Variants in SBF2 observed in about 807,000 individuals in gnomAD.
SBF2 encodes the protein SET binding factor 2.
SBF2 carries 112 observed loss-of-function variants against 225.2 expected under a neutral mutation model. The ratio of observed to expected loss-of-function variants is 0.50; its 90% CI spans 0.43 to 0.58. SBF2 has a LOEUF of 0.58. Ranked by LOEUF, SBF2 falls within the 20% of genes least tolerant of loss-of-function variation. The probability of loss-of-function intolerance (pLI) is 0.00; values close to 1 mark genes in which losing one functional copy is unlikely to be tolerated. For missense variants in SBF2, 1,996 were observed against 2,206.2 expected (o/e 0.90, Z 1.91); for synonymous variants, 763 against 773.3 (o/e 0.99, Z 0.22).
At chr11:10,095,884 C>T (rs1350075608) in intron 2 of SBF2, among the ~76,000 whole-genome samples, 5 of 151,710 alleles carry the variant, frequency 3.3e-5, no homozygotes. Context: ...AGTCTCAGAG[C>T]GGGGGAAAAA....
intron 2 of SBF2, among the ~76,000 whole-genome samples, chr11:10,127,266 T>G (rs2135078853): frequency 6.6e-6 from 1 of 152,232 alleles, no homozygotes; most frequent in African/African-American, 2.4e-5. Context: ...AATTAAAGAT[T>G]CTACATAATT....
intron 33 of SBF2, among the ~76,000 whole-genome samples, 172 bp downstream of exon 33, chr11:9,795,659 A>G (rs2133871897): frequency 6.6e-6 from 1 of 152,352 alleles, no homozygotes; most frequent in Non-Finnish European, 1.5e-5. Context: ...CTAAGAGCTA[A>G]CGTGGCACGT....
At chr11:9,831,796 G>A in intron 27 of SBF2, among the ~76,000 whole-genome samples, 1 of 152,178 alleles carries the variant, frequency 6.6e-6, no homozygotes, top group East Asian at 1.9e-4. Context: ...GTGTGCGTAT[G>A]ACTTGTAAGA....
chr11:9,939,310 C>A (rs1326467907), intron 16 of SBF2, among the ~76,000 whole-genome samples: 9 of 152,068 alleles, frequency 5.9e-5, no homozygotes, highest in Non-Finnish European at 7.4e-5. Flanking sequence ...CTTGGCCAGG[C>A]TGGTGTTGAT....
chr11:10,245,948 C>T (rs1959746067), intron 1 of SBF2, among the ~76,000 whole-genome samples: 1 of 152,088 alleles, frequency 6.6e-6, no homozygotes, highest in African/African-American at 2.4e-5. Context: ...CACAAAAGAA[C>T]AGTAGAATGG....
intron 34 of SBF2, among the ~76,000 whole-genome samples, chr11:9,789,654 CCT>C (rs1440109361): frequency 3.3e-5 from 5 of 152,146 alleles, no homozygotes; most frequent in African/African-American, 1.2e-4. Flanking sequence ...GCCCCAGCCC[CCT>C]GTCCTTGGCC....
At chr11:10,005,584 C>T (rs1197818552) in intron 6 of SBF2, among the ~76,000 whole-genome samples, 2 of 152,020 alleles carry the variant, frequency 1.3e-5, no homozygotes, top group Non-Finnish European at 2.9e-5. Context: ...CTCACTCTGC[C>T]TTATGCTCCT....
At position 9,853,577 on chromosome 11, in the gene SBF2, A is replaced by C. The variant is rs1236236536; in HGVS notation, c.2499T>G (p.Thr833=). Residue 833 remains threonine (T), a synonymous_variant, in exon 20 of 40, where the codon ACT becomes ACG. Transcript: ENST00000256190. ...IDKVCTESGV[T]QDHIKSLHCM... ...AATGAAGGCTCTTGATGTGATCCTG[A>C]GTAACTCCACTCTCTGTACAAACTT... 1.2e-6 allele frequency: 2 copies of C among 1,614,032 alleles called. No homozygotes were observed. The highest frequency in any genetic ancestry group is 1.7e-6 in the Non-Finnish European group (2 of 1,179,944).
At chr11:10,194,306 C>T (rs557420858) in intron 1 of SBF2, among the ~76,000 whole-genome samples, 4 of 152,094 alleles carry the variant, frequency 2.6e-5, no homozygotes, top group Admixed American at 6.5e-5. Flanking sequence ...TATTTCCATA[C>T]CATTTTCATT....
At chr11:10,044,118 CA>C (rs2134685700) in intron 2 of SBF2, among the ~76,000 whole-genome samples, 1 of 150,890 alleles carries the variant, frequency 6.6e-6, no homozygotes, top group South Asian at 2.1e-4. Context: ...CCAGAGTAAG[CA>C]AATAAAGAAA....
intron 13 of SBF2, among the ~76,000 whole-genome samples, chr11:9,980,721 G>A (rs1308503426): frequency 1.3e-5 from 2 of 152,020 alleles, no homozygotes; most frequent in African/African-American, 4.8e-5. Flanking sequence ...TGGGACTACA[G>A]GCGCCTGACA....
intron 1 of SBF2, among the ~76,000 whole-genome samples, chr11:10,276,306 T>C (rs1962956824): frequency 6.6e-6 from 1 of 152,232 alleles, no homozygotes; most frequent in South Asian, 2.1e-4. Context: ...GTATCAATTT[T>C]CTCACCTGTG....
chr11:10,002,442 A>C, intron 7 of SBF2, 115 bp downstream of exon 7: 6 of 854,926 alleles, frequency 7.0e-6, no homozygotes, highest in Non-Finnish European at 1.1e-5. Flanking sequence ...TAACAGCATA[A>C]CTTTGTAAAA....
chr11:10,168,074 GTT>G (rs542069453), intron 2 of SBF2, among the ~76,000 whole-genome samples: 2 of 152,054 alleles, frequency 1.3e-5, no homozygotes, highest in South Asian at 4.1e-4. Flanking sequence ...CTGTTTTACT[GTT>G]TTTTTACAGT....
intron 2 of SBF2, among the ~76,000 whole-genome samples, chr11:10,132,907 T>C (rs1215986670): frequency 2.7e-5 from 4 of 148,744 alleles, no homozygotes; most frequent in African/African-American, 7.4e-5. Flanking sequence ...AGATACAAAG[T>C]TTCCACACAC....
intron 2 of SBF2, among the ~76,000 whole-genome samples, chr11:10,193,423 T>C (rs11042660): frequency 0.014 from 2,173 of 150,860 alleles, 49 homozygotes; most frequent in African/African-American, 0.049. Context: ...GGCACGATCT[T>C]GGCTCACTGC....
intron 2 of SBF2, among the ~76,000 whole-genome samples, chr11:10,072,409 A>G (rs1378827360): frequency 6.6e-6 from 1 of 152,164 alleles, no homozygotes; most frequent in Non-Finnish European, 1.5e-5. Context: ...CTTGAAGCTC[A>G]CTACCTTTTA....
At chr11:10,294,343 G>A (rs1226982596), upstream of SBF2, 1 of 329,840 alleles carries the variant, frequency 3.0e-6, no homozygotes, top group Non-Finnish European at 5.5e-6. Context: ...CTGCGCTGGG[G>A]GAGTGGGCGG....
rs551651872 is a variant in SBF2 at position 9,917,595 on chromosome 11, G to C, written c.1861-21584C>G. Among the ~76,000 whole-genome samples, 275 of 151,686 alleles carry C rather than the reference G, an allele frequency of 1.8e-3. 1 individual carries two copies. The highest frequency in any genetic ancestry group is 0.01 in the Middle Eastern group (3 of 294). On this transcript the variant is annotated intron_variant, in intron 16 of 39. Coordinates refer to ENST00000256190, the MANE Select transcript of SBF2 (RefSeq NM_030962.4). ...GATCCACCCGCCTCGGCCTCCCAAA[G>C]TGCTGGGATTACAGGCATGAGCCAC...
Sources: allele counts gnomAD v4.1 joint callset (sites outside exome capture counted in the v4.1 genomes callset), GRCh38; gene constraint gnomAD v4.1.1; transcripts MANE v1.5; gene names NCBI Gene and HGNC (gene_info 2026-07-23, HGNC 2026-07-21).